Variants in ZNF865 observed in about 807,000 individuals in gnomAD.
The protein encoded by ZNF865 is zinc finger protein 865.
For missense variants in ZNF865, 1,311 were observed against 1,593.4 expected (o/e 0.82, Z 3.02); for synonymous variants, 763 against 750.8 (o/e 1.02, Z -0.27).
Position 55,616,887 on chromosome 19 carries a change from G to A in ZNF865, c.*89G>A, listed in dbSNP as rs1429329921. 3.0e-6 allele frequency: 4 copies of A among 1,335,676 alleles called. No homozygotes were observed. In the African/African-American group the frequency reaches 4.6e-5, roughly 15 times the overall value. The allele number at this position is 1,335,676 out of a possible 1,614,324, so 82.7% of individuals were successfully genotyped here. On this transcript the variant is annotated 3_prime_UTR_variant, in exon 2 of 2. Transcript: ENST00000568956. ...ATCAGACTCTTCCCCCCTCCTCGCT[G>A]TTGCCCCATCCTTCAGAACTTCACA... is the stretch of plus-strand genomic sequence containing the variant.
In ZNF865 at chr19:55,615,078, T is replaced by TC; in HGVS notation, c.1466dup (p.Tyr492ValfsTer78). 2.8e-6 allele frequency: 3 copies of TC among 1,063,614 alleles called. No individual in the cohort carries two copies. The highest frequency in any genetic ancestry group is 3.5e-6 in the Non-Finnish European group (3 of 847,208). The allele number at this position is 1,063,614 out of a possible 1,614,324, so 65.9% of individuals were successfully genotyped here. On this transcript the variant is annotated frameshift_variant, in exon 2 of 2. Coordinates refer to ENST00000568956, the MANE Select transcript of ZNF865 (RefSeq NM_001195605.2). LOFTEE classifies it low-confidence loss of function (END_TRUNC). Reference sequence around the variant, plus strand: ...TCGGCCCCGCAGCCCCCGCCCACCTTCCCCCCGGGCCCGTACCTCCTGCCC... The same window carrying TC: ...TCGGCCCCGCAGCCCCCGCCCACCTTCCCCCCCGGGCCCGTACCTCCTGCCC...
rs781501689 is a variant in ZNF865 at position 55,614,741 on chromosome 19, G to A, written c.1123G>A (p.Glu375Lys). 6.3e-7 allele frequency: 1 copy of A among 1,586,470 alleles called. No homozygotes were observed. The highest frequency in any genetic ancestry group is 1.1e-5 in the South Asian group (1 of 88,968). ...CCAGCACCAGATCATCCACACGGGC[G>A]AGAAGCCCTTCTCCTGCTCCGTGTG... ...LHQHQIIHTG[E>K]KPFSCSVCSK... Residue 375 changes from glutamate (E) to lysine (K), a missense_variant, in exon 2 of 2, where the codon GAG (glutamate) becomes AAG (lysine). Physicochemically the swap from Glu to Lys is moderately conservative, Grantham distance 56. Transcript: ENST00000568956. This position sits in a 1 kb window ranked among gnomAD's most constrained non-coding sequence, Gnocchi z 8.0.
chr19:55,606,808 G>T (rs576043885), intron 1 of ZNF865, among the ~76,000 whole-genome samples: 1 of 152,242 alleles, frequency 6.6e-6, no homozygotes, highest in Non-Finnish European at 1.5e-5. Context: ...ACTGTGCGGG[G>T]TCTCACAGTC....
rs912179621 is a variant in ZNF865 at position 55,616,414 on chromosome 19, G to A, written c.2796G>A (p.Gln932=). The A allele has an allele frequency of 4.0e-6, 6 of 1,506,850 alleles. No homozygotes were observed. The highest frequency in any genetic ancestry group is 1.7e-4 in the Middle Eastern group (1 of 5,862). 93.3% of individuals were successfully genotyped at this position (1,506,850 alleles called of 1,614,324 possible). A position where few individuals can be genotyped will look rare whatever the true frequency, so the allele number is the denominator to read the frequency against. The change falls in exon 2 of 2, where the codon CAG becomes CAA. Residue 932 remains glutamine, a synonymous_variant. Coordinates refer to ENST00000568956, the MANE Select transcript of ZNF865 (RefSeq NM_001195605.2). ...GGCTGCACGCTGTGGCCCGGCCCCAGCGCTGCAGCGCCTGTGGCAAGACCT... is the reference window on the plus strand; with the variant it reads ...GGCTGCACGCTGTGGCCCGGCCCCAACGCTGCAGCGCCTGTGGCAAGACCT... ...HRRLHAVARP[Q]RCSACGKTFR...
chr19:55,613,281 T>C (rs940734869), intron 1 of ZNF865, among the ~76,000 whole-genome samples: 8 of 152,086 alleles, frequency 5.3e-5, no homozygotes, highest in Admixed American at 1.3e-4. Context: ...GGGTCCCCTC[T>C]ACAAAGCTGT....
chr19:55,614,212 C>CGCG lies in ZNF865; in HGVS notation c.603_605dup (p.Ala202dup). 6.6e-7 allele frequency: 1 copy of CGCG among 1,506,380 alleles called. No homozygotes were observed. Among genetic ancestry groups the CGCG allele is most frequent in the South Asian group, 1.2e-5 (1 of 81,172 alleles). 93.3% of individuals were successfully genotyped at this position (1,506,380 alleles called of 1,614,324 possible). ...CCTCGCAGACCCCGCCAGGACCCCCCGCGGCGGCGGCCTGCGACCCCACCA... is the reference window on the plus strand; with the variant it reads ...CCTCGCAGACCCCGCCAGGACCCCCCGCGGCGGCGGCGGCCTGCGACCCCACCA... On this transcript the variant is annotated inframe_insertion, in exon 2 of 2. Transcript: ENST00000568956. This position sits in a 1 kb window ranked among gnomAD's most constrained non-coding sequence, Gnocchi z 8.0.
chr19:55,607,747 A>C (rs576957593), intron 1 of ZNF865, among the ~76,000 whole-genome samples: 1 of 152,264 alleles, frequency 6.6e-6, no homozygotes, highest in South Asian at 2.1e-4. Context: ...CTCCTGGACA[A>C]CTGTGGCCCA....
chr19:55,606,254 G>A (rs1345580020), intron 1 of ZNF865, among the ~76,000 whole-genome samples: 1 of 151,872 alleles, frequency 6.6e-6, no homozygotes, highest in East Asian at 1.9e-4. Flanking sequence ...ACGCCCCTTC[G>A]TGGGTGTGAA....
At chr19:55,612,917 G>T (rs746250676) in intron 1 of ZNF865, 4 of 152,252 alleles carry the variant, frequency 2.6e-5, no homozygotes, top group Non-Finnish European at 4.4e-5. Flanking sequence ...GATAGAAACT[G>T]TGATTCCCCT....
intron 1 of ZNF865, among the ~76,000 whole-genome samples, chr19:55,607,321 C>T (rs1396370110): frequency 6.6e-6 from 1 of 151,760 alleles, no homozygotes. Context: ...AAATACAGGC[C>T]AGGCGAGGTG....
rs1369830941 is a variant in ZNF865 at position 55,614,899 on chromosome 19, G to T, written c.1281G>T (p.Ala427=). The T allele has an allele frequency of 2.0e-6, 3 of 1,493,144 alleles. No homozygotes were observed. The African/African-American group carries it at 4.2e-5, about 21-fold the overall frequency. The allele number at this position is 1,493,144 out of a possible 1,614,324, so 92.5% of individuals were successfully genotyped here. A position where few individuals can be genotyped will look rare whatever the true frequency, so the allele number is the denominator to read the frequency against. The change falls in exon 2 of 2, where the codon GCG becomes GCT. Residue 427 remains alanine, a synonymous_variant. Transcript: ENST00000568956. This position sits in a 1 kb window ranked among gnomAD's most constrained non-coding sequence, Gnocchi z 8.0. ...RDASYLLKHQ[A]AHAGAGAGGP... ...CCTCCTACCTCCTCAAGCACCAGGC[G>T]GCCCACGCGGGGGCGGGCGCCGGGG...
rs892598101 is a variant in ZNF865, at chr19:55,613,586, T to C, written c.-26-7T>C. On this transcript the variant is annotated splice_region_variant and splice_polypyrimidine_tract_variant and intron_variant, in intron 1 of 1. Transcript: ENST00000568956. Reference sequence around the variant, plus strand: ...CCGTGTCCTCAGCCCCGTCCTCCTCTTCACAGGGTCTCCCGTCTCCCACCC... The same window carrying C: ...CCGTGTCCTCAGCCCCGTCCTCCTCCTCACAGGGTCTCCCGTCTCCCACCC... 1 of 1,490,246 alleles carries C rather than the reference T, an allele frequency of 6.7e-7. No individual in the cohort carries two copies. Among genetic ancestry groups the C allele is most frequent in the Non-Finnish European group, 8.9e-7 (1 of 1,125,060 alleles). The allele number at this position is 1,490,246 out of a possible 1,614,324, so 92.3% of individuals were successfully genotyped here. A position where few individuals can be genotyped will look rare whatever the true frequency, so the allele number is the denominator to read the frequency against.
In ZNF865 at chr19:55,614,781, A is replaced by G. The variant is rs1241395050; in HGVS notation, c.1163A>G (p.Asn388Ser). ...TGCTCCGTGTGCAGCAAAAGCTTCA[A>G]CCGCAGGGAGAGTCTGAAGCGCCAC... is the stretch of plus-strand genomic sequence containing the variant. ...FSCSVCSKSFNRRESLKRHVK... is the reference protein window; with the variant it reads ...FSCSVCSKSFSRRESLKRHVK... The change falls in exon 2 of 2, where the codon AAC becomes AGC. Residue 388 changes from asparagine (N) to serine (S), a missense_variant. By Grantham distance (46) the Asn-to-Ser change is conservative (BLOSUM62 1). Coordinates refer to ENST00000568956, the MANE Select transcript of ZNF865 (RefSeq NM_001195605.2). The surrounding 1 kb of genome is among the most constrained non-coding windows in gnomAD (Gnocchi z 8.0). 6.4e-7 allele frequency: 1 copy of G among 1,562,312 alleles called. No homozygotes were observed. The highest frequency in any genetic ancestry group is 1.8e-5 in the Admixed American group (1 of 54,084).
rs554751365 is a variant in ZNF865, at chr19:55,613,993, C to T, written c.375C>T (p.Pro125=). The T allele has an allele frequency of 5.9e-6, 9 of 1,520,636 alleles. 1 individual carries two copies. In the South Asian group the frequency reaches 9.8e-5, roughly 17 times the overall value. The allele number at this position is 1,520,636 out of a possible 1,614,324, so 94.2% of individuals were successfully genotyped here. A position where few individuals can be genotyped will look rare whatever the true frequency, so the allele number is the denominator to read the frequency against. Residue 125 remains proline, a synonymous_variant, in exon 2 of 2, where the codon CCC becomes CCT. Transcript: ENST00000568956. ...CCCAAGCCAAGAAGCCCGATCCGCC[C>T]CTGCCGCCCGCCTTCGGGGCGCCCC... ...SSSQAKKPDP[P]LPPAFGAPPP...
At chr19:55,613,443 G>T (rs1016014355) in intron 1 of ZNF865, 150 bp from the exon 2 acceptor site, 1 of 679,018 alleles carries the variant, frequency 1.5e-6, no homozygotes. Context: ...GCTGCCCTTT[G>T]GGGTGGACAG....
At chr19:55,608,312 C>CTTT (rs758447041) in intron 1 of ZNF865, among the ~76,000 whole-genome samples, 6 of 125,292 alleles carry the variant, frequency 4.8e-5, no homozygotes, top group African/African-American at 1.2e-4. Context: ...AGGACTGTGG[C>CTTT]TTTTTTTTTT....
Position 55,614,515 on chromosome 19 carries a change from C to G in ZNF865, c.897C>G (p.Pro299=), listed in dbSNP as rs1600013708. 2 of 1,354,382 alleles carry G rather than the reference C, an allele frequency of 1.5e-6. No individual in the cohort carries two copies. Among genetic ancestry groups the G allele is most frequent in the Non-Finnish European group, 1.9e-6 (2 of 1,060,884 alleles). 83.9% of individuals were successfully genotyped at this position (1,354,382 alleles called of 1,614,324 possible). A position where few individuals can be genotyped will look rare whatever the true frequency, so the allele number is the denominator to read the frequency against. The change falls in exon 2 of 2, where the codon CCC becomes CCG. Residue 299 remains proline, a synonymous_variant. Transcript: ENST00000568956. The surrounding 1 kb of genome is among the most constrained non-coding windows in gnomAD (Gnocchi z 8.0). ...TCCCGCCGCTGGGCCTCCCAGCACC[C>G]GCTGCCAGCGCCGCCACCGCCGCCG... ...PHLPPLGLPA[P]AASAATAAAP... is the part of the protein sequence containing the mutation.
chr19:55,613,807 CCCCCCGCCGCAG>C lies in ZNF865; in HGVS notation c.207_218del (p.Gln71_Pro74del), dbSNP rs769608065. On this transcript the variant is annotated inframe_deletion, in exon 2 of 2. Transcript: ENST00000568956. Reference sequence around the variant, plus strand: ...TGGCGGCCCTGCCCTGCGCCCCCGGCCCCCCGCCGCAGCCCCCGCCGCAGCCCCCTCCCCCGC... The same window carrying C: ...TGGCGGCCCTGCCCTGCGCCCCCGGCCCCCCGCCGCAGCCCCCTCCCCCGC... 2.9e-4 allele frequency: 432 copies of C among 1,488,422 alleles called. 2 individuals are homozygous for C. The highest frequency in any genetic ancestry group is 1.5e-3 in the Middle Eastern group (7 of 4,716). The allele number at this position is 1,488,422 out of a possible 1,614,324, so 92.2% of individuals were successfully genotyped here.
At position 55,614,176 on chromosome 19, in the gene ZNF865, G is replaced by T; in HGVS notation, c.558G>T (p.Pro186=). 6.8e-7 allele frequency: 1 copy of T among 1,478,540 alleles called. No homozygotes were observed. Among genetic ancestry groups the T allele is most frequent in the Non-Finnish European group, 8.9e-7 (1 of 1,121,738 alleles). The allele number at this position is 1,478,540 out of a possible 1,614,324, so 91.6% of individuals were successfully genotyped here. ...GLGAPAGAPG[P]LPAPSQTPPG... is the part of the protein sequence containing the mutation. ...GCGCTCCCGCGGGGGCCCCAGGGCC[G>T]CTTCCTGCCCCCTCGCAGACCCCGC... The change falls in exon 2 of 2, where the codon CCG becomes CCT. Residue 186 remains proline, a synonymous_variant. Transcript: ENST00000568956. The surrounding 1 kb of genome is among the most constrained non-coding windows in gnomAD (Gnocchi z 8.0).
Sources: gnomAD v4.1 joint callset for allele counts (sites outside exome capture counted in the v4.1 genomes callset) on GRCh38, gnomAD v4.1.1 for gene constraint, Gnocchi (gnomAD v3.1) non-coding constraint, MANE v1.5 for transcripts, NCBI Gene and HGNC (gene_info 2026-07-23, HGNC 2026-07-21) for gene names.